CRTC1: variants seen among roughly 807,000 people sequenced by gnomAD.
The protein encoded by CRTC1 is CREB regulated transcription coactivator 1.
CRTC1 carries 18 observed loss-of-function variants against 66.1 expected under a neutral mutation model. The observed-to-expected ratio is 0.27, with a 90% CI of 0.19 to 0.40. The LOEUF (loss-of-function observed/expected upper bound fraction) is 0.40, where lower values mean the gene tolerates loss of function less well. Ranked by LOEUF, CRTC1 falls within the 10% of genes least tolerant of loss-of-function variation. The pLI is 1.00. For synonymous variants in CRTC1, 416 were observed against 398.8 expected (o/e 1.04, Z -0.51); for missense variants, 669 against 887.9 (o/e 0.75, Z 3.13).
chr19:18,690,853 G>C (rs2052813177), intron 1 of CRTC1, among the ~76,000 whole-genome samples: 1 of 151,718 alleles, frequency 6.6e-6, no homozygotes, highest in South Asian at 2.1e-4. Context: ...GTGAAGCCCC[G>C]TCTCTACTAA....
At chr19:18,767,348 C>T (rs569502303) in intron 9 of CRTC1, among the ~76,000 whole-genome samples, 23 of 152,122 alleles carry the variant, frequency 1.5e-4, no homozygotes, top group African/African-American at 4.3e-4. Flanking sequence ...CAGGCATGTG[C>T]CTACCATGCC....
At position 18,728,815 on chromosome 19, in the gene CRTC1, C is replaced by CTTTTTTTTTTTTTTTTTT. The variant is rs35465891; in HGVS notation, c.127-14080_127-14079insTTTTTTTTTTTTTTTTTT. 3.2e-3 allele frequency among the ~76,000 whole-genome samples: 256 copies of CTTTTTTTTTTTTTTTTTT among 79,342 alleles called. 36 individuals are homozygous for CTTTTTTTTTTTTTTTTTT. Among genetic ancestry groups the CTTTTTTTTTTTTTTTTTT allele is most frequent in the African/African-American group, 0.014 (237 of 16,908 alleles). The allele number at this position is 79,342 out of a possible 152,430, so 52.1% of individuals were successfully genotyped here. ...ACAGGTGTGAGCCACCTCACCTGGC[C>CTTTTTTTTTTTTTTTTTT]TTTTTTTTTTTTTTTGAGACAGAGT... On this transcript the variant is annotated intron_variant, in intron 1 of 13. Transcript: ENST00000321949.
At position 18,775,636 on chromosome 19, in the gene CRTC1, C is replaced by T; in HGVS notation, c.1513-5C>T. On this transcript the variant is annotated splice_region_variant and splice_polypyrimidine_tract_variant and intron_variant, in intron 12 of 13. Transcript: ENST00000321949. ...CCTCACAGCCTGGTGTGCCTCCCTT[C>T]CCAGCTGGAGCAGTTCAACATGATG... 6.4e-7 allele frequency: 1 copy of T among 1,568,120 alleles called. No individual in the cohort carries two copies. The highest frequency in any genetic ancestry group is 1.2e-5 in the South Asian group (1 of 85,502).
chr19:18,695,218 G>A (rs2052955717), intron 1 of CRTC1, among the ~76,000 whole-genome samples: 1 of 151,914 alleles, frequency 6.6e-6, no homozygotes, highest in South Asian at 2.1e-4. Context: ...TGTTTGCCAG[G>A]CCGGTCTCGA....
chr19:18,720,315 C>T (rs2053595874), intron 1 of CRTC1, among the ~76,000 whole-genome samples: 1 of 152,002 alleles, frequency 6.6e-6, no homozygotes, highest in Non-Finnish European at 1.5e-5. Context: ...AGATGTGAGC[C>T]ACCACACCTG....
In CRTC1 at chr19:18,754,994, AT is replaced by A. The variant is rs1013940665; in HGVS notation, c.624+1416del. ...TATTTATTTTAATTATTTTTATTTT[AT>A]TTTTTTGAGAAAGAGTCTCACTCTG... On this transcript the variant is annotated intron_variant, in intron 6 of 13. Transcript: ENST00000321949. Among the ~76,000 whole-genome samples, 5 of 150,778 alleles carry A rather than the reference AT, an allele frequency of 3.3e-5. No individual in the cohort carries two copies. The East Asian group carries it at 9.7e-4, about 29-fold the overall frequency.
At chr19:18,690,763 C>G (rs1025284905) in intron 1 of CRTC1, among the ~76,000 whole-genome samples, 1 of 152,026 alleles carries the variant, frequency 6.6e-6, no homozygotes, top group Non-Finnish European at 1.5e-5. Flanking sequence ...CAGTGGCTCA[C>G]TCCTATAATC....
At chr19:18,762,587 C>G (rs1017060809) in intron 8 of CRTC1, among the ~76,000 whole-genome samples, 1 of 152,218 alleles carries the variant, frequency 6.6e-6, no homozygotes, top group African/African-American at 2.4e-5. Flanking sequence ...TTCCAGAGTG[C>G]AGGAGGAGGG....
intron 1 of CRTC1, among the ~76,000 whole-genome samples, chr19:18,698,685 T>C (rs185414502): frequency 5.9e-5 from 9 of 151,742 alleles, no homozygotes; most frequent in Admixed American, 5.9e-4. Context: ...ATGCACAGTG[T>C]GTACTAAGCA....
chr19:18,760,210 A>G lies in CRTC1; in HGVS notation c.868A>G (p.Ile290Val). Residue 290 changes from isoleucine to valine, a missense_variant, in exon 8 of 14, where the codon ATC becomes GTC. Ile to Val is a conservative substitution (Grantham distance 29). This residue lies in a region of CRTC1 where 241 missense variants were observed against 242.2 expected (regional missense o/e 0.99). Transcript: ENST00000321949. The surrounding 1 kb of genome is among the most constrained non-coding windows in gnomAD (Gnocchi z 6.2). ...NLAANLTHLGIGGAGQGMSTP... is the reference protein window; with the variant it reads ...NLAANLTHLGVGGAGQGMSTP... ...CGCGGCCAACCTGACGCACCTGGGC[A>G]TCGGTGGCGCCGGCCAGGGTAAGGC... The G allele has an allele frequency of 1.9e-6, 3 of 1,608,208 alleles. No individual in the cohort carries two copies. The highest frequency in any genetic ancestry group is 2.5e-6 in the Non-Finnish European group (3 of 1,177,662).
Position 18,753,553 on chromosome 19 carries a change from A to G in CRTC1, c.592A>G (p.Asn198Asp). Reference protein sequence around the residue: ...MEETTSEADKNLSKQAWDTKK... With the variant: ...MEETTSEADKDLSKQAWDTKK... ...AGAGACCACATCAGAGGCAGACAAAAACCTTTCCAAGCAAGCATGGGACAC... is the reference window on the plus strand; with the variant it reads ...AGAGACCACATCAGAGGCAGACAAAGACCTTTCCAAGCAAGCATGGGACAC... The change falls in exon 6 of 14, where the codon AAC becomes GAC. Residue 198 changes from asparagine (N) to aspartate (D), a missense_variant. Around this residue, in one of 8 missense-constraint regions of CRTC1, gnomAD observed 214 missense variants for 323.4 expected, o/e 0.66. Coordinates refer to ENST00000321949, the MANE Select transcript of CRTC1 (RefSeq NM_015321.3). The G allele has an allele frequency of 2.5e-6, 4 of 1,613,244 alleles. No individual in the cohort carries two copies. Among genetic ancestry groups the G allele is most frequent in the Non-Finnish European group, 3.4e-6 (4 of 1,179,574 alleles).
intron 1 of CRTC1, among the ~76,000 whole-genome samples, chr19:18,692,913 A>G (rs901173907): frequency 2.0e-5 from 3 of 151,440 alleles, no homozygotes; most frequent in African/African-American, 7.3e-5. Flanking sequence ...GTCTCTACTA[A>G]AAATACAAAA....
chr19:18,708,171 G>C (rs1452593885), intron 1 of CRTC1, among the ~76,000 whole-genome samples: 1 of 152,176 alleles, frequency 6.6e-6, no homozygotes, highest in African/African-American at 2.4e-5. Flanking sequence ...GAGGCCTACA[G>C]GAGGCAGGGA....
At chr19:18,693,490 T>C (rs1184019971) in intron 1 of CRTC1, among the ~76,000 whole-genome samples, 1 of 151,300 alleles carries the variant, frequency 6.6e-6, no homozygotes, top group Non-Finnish European at 1.5e-5. Context: ...TTTTTGTTTT[T>C]TTTTTTTTTG....
intron 1 of CRTC1, among the ~76,000 whole-genome samples, chr19:18,733,256 G>T (rs774847749): frequency 2.3e-4 from 35 of 152,158 alleles, no homozygotes; most frequent in Admixed American, 3.9e-4. Flanking sequence ...CCCCACACAG[G>T]GTGGGCGCTT....
At chr19:18,749,689 C>G (rs1600933781) in intron 4 of CRTC1, 92 bp from the exon 5 acceptor site, 2 of 1,044,248 alleles carry the variant, frequency 1.9e-6, no homozygotes, top group Non-Finnish European at 3.0e-6. Flanking sequence ...CAGCTGCCAC[C>G]CTGTCCATCC....
intron 11 of CRTC1, among the ~76,000 whole-genome samples, chr19:18,772,812 C>G (rs942415950): frequency 6.6e-6 from 1 of 152,182 alleles, no homozygotes; most frequent in East Asian, 1.9e-4. Flanking sequence ...CACTGGCTCT[C>G]TGAGCTCTCG....
chr19:18,690,644 G>T (rs944944628), intron 1 of CRTC1, among the ~76,000 whole-genome samples: 2 of 152,148 alleles, frequency 1.3e-5, no homozygotes, highest in Admixed American at 6.5e-5. Flanking sequence ...TGGAAAAAAG[G>T]TTTCTGTAGA....
chr19:18,700,963 C>T (rs1445427225), intron 1 of CRTC1, among the ~76,000 whole-genome samples: 1 of 152,268 alleles, frequency 6.6e-6, no homozygotes, highest in Admixed American at 6.5e-5. Flanking sequence ...GGGATCCCTT[C>T]GGTCCTCCCA....
Sources: allele counts gnomAD v4.1 joint callset (sites outside exome capture counted in the v4.1 genomes callset), GRCh38; gene constraint gnomAD v4.1.1; regional missense constraint gnomAD v4.1.1; non-coding constraint Gnocchi (gnomAD v3.1); transcripts MANE v1.5; gene names NCBI Gene and HGNC (gene_info 2026-07-23, HGNC 2026-07-21).